ADGRF1: variants seen among roughly 807,000 people sequenced by gnomAD.
The protein encoded by ADGRF1 is adhesion G protein-coupled receptor F1, also known as G protein-coupled receptor 110.
Under a neutral mutation model 87.2 loss-of-function variants are expected in ADGRF1, and 85 were observed. The observed-to-expected ratio is 0.97, with a 90% CI of 0.82 to 1.17. The LOEUF (loss-of-function observed/expected upper bound fraction) is 1.17. Among genes scored for constraint, ADGRF1 ranks in the 50% most tolerant of loss-of-function variants. The pLI is 0.00. For synonymous variants in ADGRF1, 430 were observed against 408.8 expected (o/e 1.05, Z -0.63); for missense variants, 1,169 against 1,077.2 (o/e 1.09, Z -1.19).
Position 47,027,748 on chromosome 6 carries a change from A to G in ADGRF1, c.83T>C (p.Ile28Thr), listed in dbSNP as rs139540657. Residue 28 changes from isoleucine to threonine, a missense_variant, in exon 3 of 15, where the codon ATC (isoleucine) becomes ACC (threonine). Physicochemically the swap from Ile to Thr is moderately conservative, Grantham distance 89. Transcript: ENST00000371253. The stretch of plus-strand genomic sequence containing the variant: ...CACAATGAGTTCTTTTTTTGTTTTG[A>G]TGCCATCATTTTTCTGTTAAAAAGA... The part of the protein sequence containing the change: ...HGGFLGKNDG[I>T]KTKKELIVNK... 147 of 1,585,124 alleles carry G rather than the reference A, an allele frequency of 9.3e-5. No individual in the cohort carries two copies. In the Admixed American group the frequency reaches 2.4e-3, roughly 26 times the overall value.
intron 1 of ADGRF1, among the ~76,000 whole-genome samples, chr6:47,039,579 T>C (rs1227232344): frequency 6.6e-6 from 1 of 152,206 alleles, no homozygotes; most frequent in Non-Finnish European, 1.5e-5. Flanking sequence ...TGAACCCAGC[T>C]GTGAATGGAA....
intron 9 of ADGRF1, chr6:47,013,533 T>A (rs1240397675): frequency 3.0e-6 from 3 of 985,512 alleles, no homozygotes; most frequent in Non-Finnish European, 3.6e-6. Flanking sequence ...ATCTGTGAAC[T>A]GGTCTTGGGG....
chr6:47,038,581 C>A (rs908086403), intron 1 of ADGRF1, among the ~76,000 whole-genome samples: 2 of 152,092 alleles, frequency 1.3e-5, no homozygotes, highest in Non-Finnish European at 2.9e-5. Flanking sequence ...TTTATCATTT[C>A]TTTGTGTTGG....
At chr6:47,040,780 TG>T (rs1780720603) in intron 1 of ADGRF1, among the ~76,000 whole-genome samples, 1 of 152,230 alleles carries the variant, frequency 6.6e-6, no homozygotes, top group South Asian at 2.1e-4. Flanking sequence ...TTTGAATGAA[TG>T]TGTTCATTTA....
At chr6:47,015,264 T>A (rs563769636) in intron 8 of ADGRF1, among the ~76,000 whole-genome samples, 1 of 152,384 alleles carries the variant, frequency 6.6e-6, no homozygotes, top group Admixed American at 6.5e-5. Context: ...GCAGTTGCTA[T>A]TTGTGGGTAG....
intron 8 of ADGRF1, among the ~76,000 whole-genome samples, chr6:47,015,354 T>C (rs1255311869): frequency 6.6e-6 from 1 of 152,166 alleles, no homozygotes; most frequent in Admixed American, 6.6e-5. Context: ...TAATAATGCA[T>C]TCTTATCATG....
At chr6:47,025,060 G>A (rs921500179) in intron 4 of ADGRF1, among the ~76,000 whole-genome samples, 1 of 152,156 alleles carries the variant, frequency 6.6e-6, no homozygotes, top group Non-Finnish European at 1.5e-5. Context: ...ACATTTTTGG[G>A]GAAAGTCATG....
At chr6:47,010,994 A>C (rs1779688926) in intron 10 of ADGRF1, among the ~76,000 whole-genome samples, 1 of 151,906 alleles carries the variant, frequency 6.6e-6, no homozygotes, top group African/African-American at 2.4e-5. Context: ...CTCTGGCTGC[A>C]AGCATCTGTC....
At chr6:47,041,564 T>A (rs1433278052) in intron 1 of ADGRF1, among the ~76,000 whole-genome samples, 1 of 152,194 alleles carries the variant, frequency 6.6e-6, no homozygotes, top group Non-Finnish European at 1.5e-5. Flanking sequence ...AAAAATTATA[T>A]ATTTTCAAGG....
At chr6:47,026,054 T>C (rs754561914) in intron 3 of ADGRF1, 51 bp from the exon 4 acceptor site, 3 of 1,472,216 alleles carry the variant, frequency 2.0e-6, no homozygotes, top group Non-Finnish European at 2.7e-6. Flanking sequence ...TTGGGGAAAA[T>C]ATTGCTGAGG....
At chr6:47,039,997 A>G (rs1013730075) in intron 1 of ADGRF1, among the ~76,000 whole-genome samples, 7 of 151,972 alleles carry the variant, frequency 4.6e-5, no homozygotes, top group African/African-American at 1.4e-4. Context: ...GATAAATAAA[A>G]TAAAATAAAA....
chr6:47,012,349 G>A (rs1224565104), intron 9 of ADGRF1, 154 bp from the exon 10 acceptor site: 13 of 1,336,312 alleles, frequency 9.7e-6, no homozygotes, highest in Non-Finnish European at 1.2e-5. Context: ...CTGTTATTCA[G>A]TGATTTCTAT....
chr6:47,036,961 A>C (rs900205958), intron 1 of ADGRF1, among the ~76,000 whole-genome samples: 2 of 152,184 alleles, frequency 1.3e-5, no homozygotes, highest in African/African-American at 4.8e-5. Flanking sequence ...GCTTCCTTTC[A>C]CGCATCTGAA....
intron 2 of ADGRF1, 23 bp downstream of exon 2, chr6:47,028,970 T>A: frequency 6.3e-7 from 1 of 1,597,958 alleles, no homozygotes. Context: ...TGAGAAGAGA[T>A]ATGAGACATA....
At position 47,010,251 on chromosome 6, in the gene ADGRF1, C is replaced by A. The variant is rs776842074; in HGVS notation, c.1184G>T (p.Arg395Leu). The A allele has an allele frequency of 1.2e-6, 2 of 1,613,816 alleles. No homozygotes were observed. Among genetic ancestry groups the A allele is most frequent in the Non-Finnish European group, 1.7e-6 (2 of 1,179,952 alleles). Residue 395 changes from arginine to leucine, a missense_variant, in exon 11 of 15, where the codon CGG (arginine) becomes CTG (leucine). Physicochemically the swap from Arg to Leu is moderately radical, Grantham distance 102. Coordinates refer to ENST00000371253, the MANE Select transcript of ADGRF1 (RefSeq NM_153840.4). ...ASVTNWTVLL[R>L]EEKYASSRLL... Reference sequence around the variant, plus strand: ...CCGTGAGCTGGCATACTTTTCTTCCCGCAGTAAGACTGTCCAGTTGGTTAC... The same window carrying A: ...CCGTGAGCTGGCATACTTTTCTTCCAGCAGTAAGACTGTCCAGTTGGTTAC...
intron 13 of ADGRF1, among the ~76,000 whole-genome samples, chr6:47,005,462 G>T (rs997338832): frequency 7.9e-5 from 12 of 152,150 alleles, no homozygotes; most frequent in Non-Finnish European, 1.8e-4. Context: ...TTTACAGAAG[G>T]TTCAGAAAGT....
chr6:47,004,101 T>C (rs890631248), intron 13 of ADGRF1, among the ~76,000 whole-genome samples: 9 of 152,120 alleles, frequency 5.9e-5, no homozygotes, highest in African/African-American at 1.7e-4. Flanking sequence ...TATGAACTTG[T>C]CACATCCTGG....
At chr6:47,035,712 C>CATGATTGTTA (rs1780568921) in intron 1 of ADGRF1, among the ~76,000 whole-genome samples, 6 of 152,140 alleles carry the variant, frequency 3.9e-5, no homozygotes, top group Admixed American at 2.6e-4. Context: ...TTAATAAAAT[C>CATGATTGTTA]ATGATTGTTA....
chr6:47,040,938 A>C (rs904782380), intron 1 of ADGRF1, among the ~76,000 whole-genome samples: 6 of 152,148 alleles, frequency 3.9e-5, no homozygotes, highest in African/African-American at 1.4e-4. Context: ...TTTTTTAAGA[A>C]ATTTACTCTA....
Sources: allele counts gnomAD v4.1 joint callset (sites outside exome capture counted in the v4.1 genomes callset), GRCh38; gene constraint gnomAD v4.1.1; transcripts MANE v1.5; gene names NCBI Gene and HGNC (gene_info 2026-07-23, HGNC 2026-07-21).